Variants in PAH observed in about 807,000 individuals in gnomAD.
PAH encodes the protein phenylalanine-4-hydroxylase.
A neutral mutation model predicts 62.0 loss-of-function variants in PAH; 64 were observed. The observed-to-expected ratio is 1.03, with a 90% CI of 0.84 to 1.27. The LOEUF (loss-of-function observed/expected upper bound fraction) is 1.27. PAH is among the 50% of genes most tolerant of loss of function. The pLI is 0.00. For missense variants in PAH, 579 were observed against 542.8 expected, an observed-to-expected ratio of 1.07 and a Z score of -0.66; for synonymous variants, 195 against 196.2, an observed-to-expected ratio of 0.99 and a Z score of 0.05.
At chr12:102,860,770 T>C (rs1875679356) in intron 5 of PAH, among the ~76,000 whole-genome samples, 1 of 152,208 alleles carries the variant, frequency 6.6e-6, no homozygotes, top group Non-Finnish European at 1.5e-5. Context: ...CTGGGAAAAT[T>C]GGCTAGCCAC....
chr12:102,930,935 A>G (rs1248813318), intron 1 of PAH, among the ~76,000 whole-genome samples: 1 of 152,200 alleles, frequency 6.6e-6, no homozygotes, highest in Non-Finnish European at 1.5e-5. Context: ...GGTATCAATA[A>G]TAAAAAAACA....
intron 1 of PAH, among the ~76,000 whole-genome samples, chr12:102,942,389 A>G (rs1360733520): frequency 1.3e-5 from 2 of 152,178 alleles, no homozygotes; most frequent in Non-Finnish European, 2.9e-5. Context: ...TACAATGAGA[A>G]TTACAAAACA....
intron 1 of PAH, among the ~76,000 whole-genome samples, chr12:102,946,957 C>G (rs180865354): frequency 6.6e-6 from 1 of 152,004 alleles, no homozygotes; most frequent in East Asian, 1.9e-4. Flanking sequence ...TGTTCTGATG[C>G]CTTTTATACG....
chr12:102,839,247 C>G (rs2136630889), intron 12 of PAH, 29 bp from the exon 13 acceptor site: 1 of 1,610,854 alleles, frequency 6.2e-7, no homozygotes, highest in East Asian at 2.2e-5. Flanking sequence ...TCAAAATGGG[C>G]CACTTGTATA....
intron 1 of PAH, chr12:102,958,120 C>G: frequency 6.1e-6 from 4 of 653,458 alleles, no homozygotes; most frequent in Non-Finnish European, 9.0e-6. Flanking sequence ...AGGGCTCCCG[C>G]TTCATATTTC....
At chr12:102,935,217 G>A (rs934946169) in intron 1 of PAH, among the ~76,000 whole-genome samples, 1 of 152,010 alleles carries the variant, frequency 6.6e-6, no homozygotes, top group Non-Finnish European at 1.5e-5. Flanking sequence ...TGTAAATGTT[G>A]AACCATCCTT....
At chr12:102,952,950 C>A (rs1186258483), upstream of PAH, among the ~76,000 whole-genome samples, 4 of 152,142 alleles carry the variant, frequency 2.6e-5, no homozygotes, top group Non-Finnish European at 4.4e-5. Context: ...GCAGGCTGGG[C>A]AGCAATCCTT....
At chr12:102,872,688 C>T (rs1434047778) in intron 4 of PAH, among the ~76,000 whole-genome samples, 1 of 152,198 alleles carries the variant, frequency 6.6e-6, no homozygotes, top group East Asian at 1.9e-4. Flanking sequence ...CAGTTTCAGG[C>T]CTGGTGTGGT....
intron 8 of PAH, among the ~76,000 whole-genome samples, chr12:102,848,867 C>T (rs1032758457): frequency 1.3e-5 from 2 of 150,072 alleles, no homozygotes; most frequent in Non-Finnish European, 3.0e-5. Context: ...TAAAGGGACA[C>T]CAGGAGACTG....
chr12:102,918,053 T>C (rs560528468), upstream of PAH, among the ~76,000 whole-genome samples: 1 of 152,324 alleles, frequency 6.6e-6, no homozygotes, highest in East Asian at 1.9e-4. Flanking sequence ...TCCCCAGCTA[T>C]GCTGCCATTC....
At chr12:102,893,887 T>C (rs919672039) in intron 3 of PAH, among the ~76,000 whole-genome samples, 3 of 152,218 alleles carry the variant, frequency 2.0e-5, no homozygotes, top group African/African-American at 7.2e-5. Flanking sequence ...CCAAGCAGTG[T>C]GCTAAACTCT....
At chr12:102,887,626 G>A (rs928588812) in intron 3 of PAH, among the ~76,000 whole-genome samples, 2 of 152,104 alleles carry the variant, frequency 1.3e-5, no homozygotes, top group African/African-American at 4.8e-5. Context: ...ACTCAAGCAA[G>A]TCCAATTTGA....
intron 4 of PAH, 199 bp downstream of exon 4, chr12:102,877,263 T>C (rs1876606912): frequency 1.6e-6 from 1 of 630,868 alleles, no homozygotes; most frequent in Admixed American, 2.3e-5. Flanking sequence ...TATTTGCTCC[T>C]ACAAAAATAA....
At chr12:102,883,409 C>A (rs1876903743) in intron 3 of PAH, among the ~76,000 whole-genome samples, 1 of 152,172 alleles carries the variant, frequency 6.6e-6, no homozygotes, top group Non-Finnish European at 1.5e-5. Context: ...GGCAGCAGAA[C>A]CAGCATATTT....
chr12:102,955,727 C>A (rs116257934), upstream of PAH, among the ~76,000 whole-genome samples: 684 of 152,218 alleles, frequency 4.5e-3, 10 homozygotes, highest in African/African-American at 0.016. Context: ...GGGTGCTCAC[C>A]TCCTATACTT....
chr12:102,843,445 G>C (rs1486521409), intron 11 of PAH, among the ~76,000 whole-genome samples: 8 of 152,124 alleles, frequency 5.3e-5, no homozygotes, highest in Non-Finnish European at 1.0e-4. Context: ...CAGGTGGCAG[G>C]GGTGTGTGCA....
chr12:102,875,668 T>C (rs971026036), intron 4 of PAH, among the ~76,000 whole-genome samples: 2 of 152,142 alleles, frequency 1.3e-5, no homozygotes, highest in African/African-American at 4.8e-5. Context: ...AGTCCCCACA[T>C]TTACCTTTAC....
At chr12:102,867,870 T>A (rs144815299) in intron 4 of PAH, among the ~76,000 whole-genome samples, 1 of 139,694 alleles carries the variant, frequency 7.2e-6, no homozygotes, top group African/African-American at 2.5e-5. Flanking sequence ...CATATATAGA[T>A]GTATATATAC....
chr12:102,923,593 A>G (rs1366991762), intron 1 of PAH: 1 of 152,184 alleles, frequency 6.6e-6, no homozygotes, highest in Non-Finnish European at 1.5e-5. Context: ...GATTCTCACC[A>G]TTCTAGAGGG....
Sources: gnomAD v4.1 joint callset for allele counts (sites outside exome capture counted in the v4.1 genomes callset) on GRCh38, gnomAD v4.1.1 for gene constraint, MANE v1.5 for transcripts, NCBI Gene and HGNC (gene_info 2026-07-23, HGNC 2026-07-21) for gene names.